The following IARS1 variants were observed in gnomAD, a reference collection of about 807,000 sequenced individuals.
IARS1 encodes the protein isoleucyl-tRNA synthetase 1.
IARS1 carries 124 observed loss-of-function variants against 168.2 expected under a neutral mutation model. The ratio of observed to expected loss-of-function variants is 0.74; its 90% CI spans 0.64 to 0.86. IARS1 has a LOEUF of 0.86. Among genes scored for constraint, IARS1 ranks in the 40% least tolerant of loss-of-function variants. The pLI is 0.00. For synonymous variants in IARS1, 532 were observed against 529.4 expected (o/e 1.00, Z -0.07); for missense variants, 1,452 against 1,515.8 (o/e 0.96, Z 0.70).
At chr9:92,251,752 G>A (rs1830035770) in intron 22 of IARS1, 56 bp downstream of exon 22, 2 of 1,176,594 alleles carry the variant, frequency 1.7e-6, no homozygotes, top group Admixed American at 3.7e-5. Context: ...GCAGCAAGTA[G>A]GTGCTGAAGG....
chr9:92,288,320 C>G (rs377269055), intron 2 of IARS1, 38 bp from the exon 3 acceptor site: 4 of 1,600,310 alleles, frequency 2.5e-6, no homozygotes, highest in Admixed American at 1.7e-5. Context: ...CATTTAAAAA[C>G]AGCCAAAATT....
intron 21 of IARS1, 142 bp downstream of exon 21, chr9:92,253,220 C>A: frequency 1.5e-6 from 1 of 653,100 alleles, no homozygotes; most frequent in Non-Finnish European, 2.7e-6. Flanking sequence ...AGTTAAAATG[C>A]AATGTAAAAG....
chr9:92,250,646 T>C (rs1419775031), intron 23 of IARS1, 67 bp downstream of exon 23: 5 of 1,466,694 alleles, frequency 3.4e-6, no homozygotes, highest in Non-Finnish European at 4.6e-6. Flanking sequence ...TCCCTCCTCT[T>C]CCCCACATGC....
At chr9:92,220,342 C>T (rs1839475148) in intron 33 of IARS1, among the ~76,000 whole-genome samples, 1 of 147,856 alleles carries the variant, frequency 6.8e-6, no homozygotes, top group Admixed American at 6.7e-5. Flanking sequence ...GGGTGCAGCG[C>T]ACCAGCATGG....
chr9:92,214,550 G>C (rs1044300034), intron 33 of IARS1, among the ~76,000 whole-genome samples: 1 of 152,218 alleles, frequency 6.6e-6, no homozygotes, highest in Non-Finnish European at 1.5e-5. Context: ...GTGGGCGCAG[G>C]TCAGTGGGTG....
chr9:92,243,241 T>G lies in IARS1; in HGVS notation c.2975A>C (p.Asn992Thr). ...VDEGMAREVI[N>T]RIQKLRKKCN... ...CTTTTTGCGAAGTTTCTGTATGCGA[T>G]TGATGACTTCCCGAGCCATTCCTTC... Residue 992 changes from asparagine to threonine, a missense_variant, in exon 28 of 34, where the codon AAT becomes ACT. Physicochemically the swap from Asn to Thr is moderately conservative, Grantham distance 65. Coordinates refer to ENST00000443024, the MANE Select transcript of IARS1 (RefSeq NM_002161.6). The G allele has an allele frequency of 1.2e-6, 2 of 1,613,686 alleles. No homozygotes were observed. Among genetic ancestry groups the G allele is most frequent in the South Asian group, 2.2e-5 (2 of 91,080 alleles).
intron 26 of IARS1, 160 bp from the exon 27 acceptor site, chr9:92,245,231 AG>A (rs759825503): frequency 3.3e-6 from 2 of 611,702 alleles, no homozygotes; most frequent in Non-Finnish European, 5.8e-6. Flanking sequence ...GTTGTAGCCA[AG>A]ACATGACAAA....
At chr9:92,292,975 A>G (rs1213350669) in intron 1 of IARS1, among the ~76,000 whole-genome samples, 4 of 152,200 alleles carry the variant, frequency 2.6e-5, no homozygotes, top group Non-Finnish European at 1.5e-5. Flanking sequence ...GAAGATACAC[A>G]CAACCAATTA....
rs35959111 is a variant in IARS1, at chr9:92,282,860, A to ATTTT, written c.598-1971_598-1968dup. ...CACACATATATATATATATATATAT[A>ATTTT]TTTTTTTTTTTTGAGACAGAGTCTA... On this transcript the variant is annotated intron_variant, in intron 6 of 33. Coordinates refer to ENST00000443024, the MANE Select transcript of IARS1 (RefSeq NM_002161.6). 1.1e-3 allele frequency among the ~76,000 whole-genome samples: 144 copies of ATTTT among 132,850 alleles called. 2 individuals carry two copies. Among genetic ancestry groups the ATTTT allele is most frequent in the African/African-American group, 3.9e-3 (136 of 34,554 alleles). 87.2% of individuals were successfully genotyped at this position (132,850 alleles called of 152,430 possible).
intron 13 of IARS1, 142 bp downstream of exon 13, chr9:92,269,743 C>G: frequency 1.7e-6 from 1 of 572,850 alleles, no homozygotes; most frequent in Non-Finnish European, 3.2e-6. Context: ...ATTTTGTGCT[C>G]CTAAACACAC....
At chr9:92,253,508 G>C (rs1244844023) in intron 20 of IARS1, 55 bp from the exon 21 acceptor site, 2 of 1,147,870 alleles carry the variant, frequency 1.7e-6, no homozygotes, top group Non-Finnish European at 1.3e-6. Context: ...CATCTGGGGT[G>C]GGGAGAGGGT....
chr9:92,268,669 G>A (rs1383967711), intron 13 of IARS1, among the ~76,000 whole-genome samples: 1 of 152,144 alleles, frequency 6.6e-6, no homozygotes, highest in Non-Finnish European at 1.5e-5. Flanking sequence ...TTAAGCAAAG[G>A]CCAACAGGCC....
At chr9:92,249,468 G>C (rs997001939) in intron 25 of IARS1, among the ~76,000 whole-genome samples, 2 of 152,094 alleles carry the variant, frequency 1.3e-5, no homozygotes, top group Non-Finnish European at 2.9e-5. Flanking sequence ...CAGGAGAATC[G>C]CTTGAACCCA....
intron 30 of IARS1, among the ~76,000 whole-genome samples, chr9:92,232,008 A>G (rs1826783635): frequency 6.6e-6 from 1 of 152,206 alleles, no homozygotes; most frequent in South Asian, 2.1e-4. Flanking sequence ...ACCTATGAAC[A>G]ATGTGCAAGT....
rs1828988628 is a variant in IARS1 at position 92,245,075 on chromosome 9, T to C, written c.2792-4A>G. On this transcript the variant is annotated splice_region_variant and splice_polypyrimidine_tract_variant and intron_variant, in intron 26 of 33. Coordinates refer to ENST00000443024, the MANE Select transcript of IARS1 (RefSeq NM_002161.6). ...TGGCCTTCCACAACAATGGTCCCTA[T>C]GGAGAAGCAGCTACACTGTTAATCA... is the stretch of plus-strand genomic sequence containing the variant. 1.2e-6 allele frequency: 2 copies of C among 1,612,738 alleles called. No homozygotes were observed. The highest frequency in any genetic ancestry group is 3.3e-5 in the Admixed American group (2 of 60,012).
intron 1 of IARS1, 108 bp downstream of exon 1, chr9:92,293,503 G>A (rs1269203982): frequency 1.9e-6 from 1 of 524,482 alleles, no homozygotes; most frequent in African/African-American, 2.0e-5. Flanking sequence ...AAGCCCCGAA[G>A]AAACACGCTC....
chr9:92,267,499 G>A (rs934714098), intron 14 of IARS1, among the ~76,000 whole-genome samples: 1 of 152,118 alleles, frequency 6.6e-6, no homozygotes, highest in African/African-American at 2.4e-5. Flanking sequence ...GGAACTAAGT[G>A]GCGTGCACCA....
At position 92,247,566 on chromosome 9, in the gene IARS1, C is replaced by T. The variant is rs768529554; in HGVS notation, c.2617-15G>A. The T allele has an allele frequency of 1.2e-6, 2 of 1,604,398 alleles. No homozygotes were observed. Among genetic ancestry groups the T allele is most frequent in the Admixed American group, 3.4e-5 (2 of 58,628 alleles). On this transcript the variant is annotated splice_polypyrimidine_tract_variant and intron_variant, in intron 25 of 33. Transcript: ENST00000443024. The stretch of plus-strand genomic sequence containing the variant: ...ACATTGAGTTCCTACAGTTAATGCA[C>T]AAGAGGAAACAAAAATGAGAAATGA...
At chr9:92,238,738 G>T (rs555012957) in intron 30 of IARS1, among the ~76,000 whole-genome samples, 88 of 152,142 alleles carry the variant, frequency 5.8e-4, no homozygotes, top group African/African-American at 2.1e-3. Flanking sequence ...TTTCTTAGTG[G>T]TAACTCCAAG....
Sources: allele counts gnomAD v4.1 joint callset (sites outside exome capture counted in the v4.1 genomes callset), GRCh38; gene constraint gnomAD v4.1.1; transcripts MANE v1.5; gene names NCBI Gene and HGNC (gene_info 2026-07-23, HGNC 2026-07-21).